Variants in LPP observed in about 807,000 individuals in gnomAD.
LPP encodes the protein lipoma-preferred partner.
LPP carries 38 observed loss-of-function variants against 60.4 expected under a neutral mutation model. The observed-to-expected ratio is 0.63, with a 90% CI of 0.49 to 0.83. The LOEUF is 0.83. LPP is among the 40% of genes least tolerant of loss of function. The pLI, the probability that LPP is intolerant of heterozygous loss-of-function variation, is 0.00. For missense variants in LPP, 902 were observed against 783.6 expected, an observed-to-expected ratio of 1.15 and a Z score of -1.80; for synonymous variants, 328 against 290.8, an observed-to-expected ratio of 1.13 and a Z score of -1.30.
At chr3:188,509,214 A>G (rs1267195028) in intron 5 of LPP, among the ~76,000 whole-genome samples, 3 of 152,190 alleles carry the variant, frequency 2.0e-5, no homozygotes, top group Non-Finnish European at 4.4e-5. Flanking sequence ...TTTATACACA[A>G]CATACCACCA....
At chr3:188,757,391 GT>G (rs986224332) in intron 8 of LPP, among the ~76,000 whole-genome samples, 8 of 152,170 alleles carry the variant, frequency 5.3e-5, no homozygotes, top group Non-Finnish European at 1.0e-4. Context: ...AGTGATTGAA[GT>G]TTGCTCCCAG....
intron 6 of LPP, among the ~76,000 whole-genome samples, chr3:188,574,821 A>T (rs1244688369): frequency 6.6e-6 from 1 of 152,094 alleles, no homozygotes; most frequent in African/African-American, 2.4e-5. Context: ...AATAAAGACA[A>T]TAAAAGTGAT....
At chr3:188,844,029 A>G (rs552501846) in intron 9 of LPP, among the ~76,000 whole-genome samples, 1 of 152,274 alleles carries the variant, frequency 6.6e-6, no homozygotes, top group East Asian at 1.9e-4. Context: ...TTAAAATTTC[A>G]TCTCATTTTC....
chr3:188,656,984 A>G (rs1212144011), intron 7 of LPP, among the ~76,000 whole-genome samples: 1 of 152,136 alleles, frequency 6.6e-6, no homozygotes, highest in Non-Finnish European at 1.5e-5. Flanking sequence ...CTCATTCAGT[A>G]GCTCTTGAAA....
chr3:188,825,246 T>TC (rs1491318480), intron 9 of LPP, among the ~76,000 whole-genome samples: 3 of 104,254 alleles, frequency 2.9e-5, no homozygotes, highest in East Asian at 3.5e-4. Flanking sequence ...CCAGCCTTTC[T>TC]TTCTCTCTCT....
At chr3:188,840,393 T>A (rs749652131) in intron 9 of LPP, among the ~76,000 whole-genome samples, 1 of 152,164 alleles carries the variant, frequency 6.6e-6, no homozygotes, top group Non-Finnish European at 1.5e-5. Context: ...CTCCCAAGGA[T>A]AAGGGAAGGC....
At chr3:188,436,136 A>C (rs79143693) in intron 4 of LPP, among the ~76,000 whole-genome samples, 2,372 of 152,268 alleles carry the variant, frequency 0.016, 51 homozygotes, top group African/African-American at 0.054. Flanking sequence ...GGCAAGAGTT[A>C]CTCTTCCATT....
intron 2 of LPP, among the ~76,000 whole-genome samples, chr3:188,299,581 C>G (rs1341471977): frequency 6.6e-6 from 1 of 152,098 alleles, no homozygotes; most frequent in Non-Finnish European, 1.5e-5. Context: ...AAAATAGCAA[C>G]AGTGAATTTT....
intron 6 of LPP, among the ~76,000 whole-genome samples, chr3:188,577,762 T>TTCCTTCCTTCTG (rs1201672204): frequency 5.6e-5 from 8 of 141,846 alleles, no homozygotes; most frequent in South Asian, 2.3e-4. Context: ...CGTTCCTTCG[T>TTCCTTCCTTCTG]TCCTTCCTTC....
chr3:188,525,107 C>T (rs1247691636), intron 6 of LPP, among the ~76,000 whole-genome samples: 2 of 152,004 alleles, frequency 1.3e-5, no homozygotes, highest in Non-Finnish European at 2.9e-5. Context: ...GCTGGGATTA[C>T]AGGCGCCTGC....
At chr3:188,868,724 CCAGA>C (rs1767309037) in intron 10 of LPP, among the ~76,000 whole-genome samples, 1 of 152,208 alleles carries the variant, frequency 6.6e-6, no homozygotes, top group Admixed American at 6.5e-5. Context: ...TATTCCTCCT[CCAGA>C]CAGTTTTTGG....
chr3:188,795,787 A>T (rs1347298893), intron 9 of LPP, among the ~76,000 whole-genome samples: 1 of 152,212 alleles, frequency 6.6e-6, no homozygotes, highest in Non-Finnish European at 1.5e-5. Context: ...GTGGTTATAT[A>T]TTAACAGAGT....
intron 8 of LPP, among the ~76,000 whole-genome samples, chr3:188,724,327 A>G (rs1195014120): frequency 6.6e-6 from 1 of 152,192 alleles, no homozygotes; most frequent in African/African-American, 2.4e-5. Context: ...CAAAGCCTGG[A>G]AAAAGATTAG....
chr3:188,387,923 AT>A (rs35318745), intron 3 of LPP, among the ~76,000 whole-genome samples: 131,674 of 148,048 alleles, frequency 0.89, 59,958 homozygotes, highest in Non-Finnish European at 0.99. Context: ...TGTGAAAGGG[AT>A]TTTTTTTTTT....
intron 1 of LPP, among the ~76,000 whole-genome samples, chr3:188,210,552 T>G (rs1284669956): frequency 6.6e-6 from 1 of 152,196 alleles, no homozygotes; most frequent in African/African-American, 2.4e-5. Flanking sequence ...CCACTTCTAA[T>G]TTTGAGATCA....
chr3:188,666,128 A>G (rs1051074128), intron 7 of LPP, among the ~76,000 whole-genome samples: 11 of 152,366 alleles, frequency 7.2e-5, no homozygotes, highest in African/African-American at 1.9e-4. Context: ...GATGAATAAC[A>G]TAAGTGTCCT....
At chr3:188,773,896 G>A (rs1736877400) in intron 9 of LPP, among the ~76,000 whole-genome samples, 1 of 152,164 alleles carries the variant, frequency 6.6e-6, no homozygotes, top group Admixed American at 6.5e-5. Context: ...AGGTCTTCAT[G>A]GAGGAAGAGA....
chr3:188,482,862 TATTAA>T (rs1805214534), intron 4 of LPP, among the ~76,000 whole-genome samples: 1 of 152,150 alleles, frequency 6.6e-6, no homozygotes, highest in African/African-American at 2.4e-5. Context: ...ATGCAGTGGT[TATTAA>T]AGTGTGCTGT....
chr3:188,290,360 T>C (rs1745532868), intron 2 of LPP, among the ~76,000 whole-genome samples: 1 of 152,156 alleles, frequency 6.6e-6, no homozygotes, highest in Non-Finnish European at 1.5e-5. Flanking sequence ...CATAATATCA[T>C]GTGACCTTGG....
Sources: allele counts gnomAD v4.1 joint callset (sites outside exome capture counted in the v4.1 genomes callset), GRCh38; gene constraint gnomAD v4.1.1; transcripts MANE v1.5; gene names NCBI Gene and HGNC (gene_info 2026-07-23, HGNC 2026-07-21).